Variants in INPP5B observed in about 807,000 individuals in gnomAD.
INPP5B encodes inositol polyphosphate-5-phosphatase B.
Under a neutral mutation model 118.5 loss-of-function variants are expected in INPP5B, and 90 were observed. That is an observed-to-expected ratio of 0.76 (90% CI 0.64 to 0.90). The LOEUF (loss-of-function observed/expected upper bound fraction) is 0.90, where lower values mean the gene tolerates loss of function less well. INPP5B is among the 40% of genes least tolerant of loss of function. The pLI is 0.00. For missense variants in INPP5B, 984 were observed against 1,125.6 expected, an observed-to-expected ratio of 0.87 and a Z score of 1.80; for synonymous variants, 385 against 418.9, an observed-to-expected ratio of 0.92 and a Z score of 0.99.
At chr1:37,896,209 C>A (rs1317157626) in intron 7 of INPP5B, among the ~76,000 whole-genome samples, 5 of 151,244 alleles carry the variant, frequency 3.3e-5, no homozygotes, top group Admixed American at 6.6e-5. Context: ...GCCGCCCCGT[C>A]TGAGAAGTGA....
intron 8 of INPP5B, among the ~76,000 whole-genome samples, chr1:37,890,039 C>T (rs1036052618): frequency 1.3e-5 from 2 of 152,294 alleles, no homozygotes; most frequent in Non-Finnish European, 2.9e-5. Context: ...GTGTCATTAA[C>T]GCCTCACCCA....
At chr1:37,909,910 C>T (rs192612774) in intron 7 of INPP5B, among the ~76,000 whole-genome samples, 41 of 152,310 alleles carry the variant, frequency 2.7e-4, no homozygotes, top group Admixed American at 9.2e-4. Flanking sequence ...GGACCGCCTC[C>T]CCAGGATCTT....
chr1:37,931,852 C>T lies in INPP5B; in HGVS notation c.532+61G>A, dbSNP rs61751228. ...CGCTCCGCCCCAAAACAGAACGGAG[C>T]CCGCCCCCTGTGGCCGGGCCTCCTC... On this transcript the variant is annotated intron_variant, in intron 7 of 23. Transcript: ENST00000373024. 3.5e-3 allele frequency: 5,721 copies of T among 1,612,362 alleles called. 165 individuals are homozygous for T. In the African/African-American group the frequency reaches 0.067, roughly 19 times the overall value.
intron 1 of INPP5B, 115 bp from the exon 2 acceptor site, chr1:37,946,449 AC>A (rs1646115670): frequency 1.4e-6 from 1 of 703,962 alleles, no homozygotes; most frequent in Non-Finnish European, 2.4e-6. Context: ...GGGAGATGGT[AC>A]CGGGGAGGCC....
chr1:37,932,793 C>T (rs1645539766), intron 6 of INPP5B, among the ~76,000 whole-genome samples: 1 of 152,132 alleles, frequency 6.6e-6, no homozygotes, highest in Non-Finnish European at 1.5e-5. Flanking sequence ...CACCCATAAC[C>T]TCCAGCAGCA....
Position 37,864,418 on chromosome 1 carries a change from AAT to A in INPP5B, c.2518_2519del (p.Ile840PhefsTer32), listed in dbSNP as rs1311690997. On this transcript the variant is annotated frameshift_variant, in exon 23 of 24. Transcript: ENST00000373024. LOFTEE classifies it high-confidence loss of function. Reference sequence around the variant, plus strand: ...TTTTGTGGAATATGGGGAGAGTAGAAATGACCTGAAAGAGGAAGAACCGGGAT... The same window carrying A: ...TTTTGTGGAATATGGGGAGAGTAGAAGACCTGAAAGAGGAAGAACCGGGAT... ...SGNYTASKQV[I>X]STLPIFHKNV... 2.2e-5 allele frequency: 35 copies of A among 1,586,780 alleles called. No homozygotes were observed. The highest frequency in any genetic ancestry group is 2.9e-5 in the Non-Finnish European group (33 of 1,155,694).
At chr1:37,935,061 C>T (rs1428009943) in intron 6 of INPP5B, among the ~76,000 whole-genome samples, 2 of 150,236 alleles carry the variant, frequency 1.3e-5, no homozygotes, top group Non-Finnish European at 3.0e-5. Context: ...ATTAGCCGGG[C>T]GTGCTGGCGG....
At chr1:37,885,565 T>C in intron 13 of INPP5B, 73 bp downstream of exon 13, 1 of 1,338,048 alleles carries the variant, frequency 7.5e-7, no homozygotes, top group Non-Finnish European at 1.0e-6. Context: ...ACCAGGCATC[T>C]CCCCATGAAA....
chr1:37,878,262 G>A lies in INPP5B; in HGVS notation c.1603C>T (p.Gln535Ter). 1 of 1,614,164 alleles carries A rather than the reference G, an allele frequency of 6.2e-7. No individual in the cohort carries two copies. The highest frequency in any genetic ancestry group is 8.5e-7 in the Non-Finnish European group (1 of 1,180,026). ...GCCATGTGGCTCTGGTAACTCAGCT[G>A]AGTGATGTTCTTCCCTTTCCAGAGA... ...RILWKGKNITQLSYQSHMALK... is the reference protein window; with the variant it reads ...RILWKGKNIT The change falls in exon 16 of 24, where the codon CAG becomes TAG. Residue 535 changes from glutamine to a stop codon, truncating the protein, a stop_gained. Coordinates refer to ENST00000373024, the MANE Select transcript of INPP5B (RefSeq NM_005540.3). LOFTEE classifies it high-confidence loss of function.
At chr1:37,882,071 C>T (rs997037970) in intron 14 of INPP5B, among the ~76,000 whole-genome samples, 1 of 151,308 alleles carries the variant, frequency 6.6e-6, no homozygotes, top group South Asian at 2.1e-4. Context: ...TGCACTCCAG[C>T]CTGGGTGCCA....
intron 6 of INPP5B, among the ~76,000 whole-genome samples, chr1:37,932,834 C>T (rs955112949): frequency 9.2e-5 from 14 of 152,092 alleles, no homozygotes; most frequent in African/African-American, 2.7e-4. Flanking sequence ...AAACACACGC[C>T]GTAAGTAAGC....
At chr1:37,940,038 C>T (rs1049680822) in intron 6 of INPP5B, among the ~76,000 whole-genome samples, 2 of 152,178 alleles carry the variant, frequency 1.3e-5, no homozygotes, top group East Asian at 1.9e-4. Context: ...GAAGACCAGC[C>T]CTCTCCCATT....
Position 37,943,884 on chromosome 1 carries a change from G to C in INPP5B, c.162C>G (p.Leu54=). 1 of 1,613,496 alleles carries C rather than the reference G, an allele frequency of 6.2e-7. No individual in the cohort carries two copies. Residue 54 remains leucine, a synonymous_variant, in exon 4 of 24, where the codon CTC becomes CTG. Coordinates refer to ENST00000373024, the MANE Select transcript of INPP5B (RefSeq NM_005540.3). The stretch of plus-strand genomic sequence containing the variant: ...TAATGGCCATCCTCCGGTGCGTATA[G>C]AGGAAGAGACTAAGGGCAGGAAGCA... ...EHGGQEHALF[L]YTHRRMAITG...
In INPP5B at chr1:37,945,816, C is replaced by G. The variant is rs772675893; in HGVS notation, c.92G>C (p.Arg31Pro). Residue 31 changes from arginine (R) to proline (P), a missense_variant, in exon 3 of 24, where the codon CGG (arginine) becomes CCG (proline). By Grantham distance (103) the Arg-to-Pro change is moderately radical (BLOSUM62 -2). Coordinates refer to ENST00000373024, the MANE Select transcript of INPP5B (RefSeq NM_005540.3). Reference sequence around the variant, plus strand: ...CACGAGTCCCAGGAGGCGGCTCTGCCGGCTGTCCCCCTCACACAGCACACC... The same window carrying G: ...CACGAGTCCCAGGAGGCGGCTCTGCGGGCTGTCCCCCTCACACAGCACACC... ...VQGVLCEGDS[R>P]QSRLLGLVRY... is the part of the protein sequence containing the mutation. 3 of 1,614,028 alleles carry G rather than the reference C, an allele frequency of 1.9e-6. No homozygotes were observed. The South Asian group carries it at 3.3e-5, about 18-fold the overall frequency.
intron 7 of INPP5B, among the ~76,000 whole-genome samples, chr1:37,917,310 A>T (rs1315008938): frequency 1.2e-3 from 8 of 6,776 alleles, no homozygotes; most frequent in Non-Finnish European, 1.4e-3. Flanking sequence ...AAAAATAATT[A>T]TATATATATA....
At chr1:37,871,596 CCT>C (rs748951478) in intron 19 of INPP5B, among the ~76,000 whole-genome samples, 1 of 151,986 alleles carries the variant, frequency 6.6e-6, no homozygotes, top group Admixed American at 6.6e-5. Flanking sequence ...GGTGAAACTC[CCT>C]CTCTATTAAA....
rs1009151342 is a variant in INPP5B at position 37,888,352 on chromosome 1, C to T, written c.798-8G>A. ...TATGTTCCCGCAAAAAACCTGTCAC[C>T]AAAGAGAAATAATTAGTGACTCCGA... On this transcript the variant is annotated splice_region_variant and splice_polypyrimidine_tract_variant and intron_variant, in intron 9 of 23. Transcript: ENST00000373024. 2 of 1,504,310 alleles carry T rather than the reference C, an allele frequency of 1.3e-6. No homozygotes were observed. The highest frequency in any genetic ancestry group is 1.8e-6 in the Non-Finnish European group (2 of 1,118,994). 93.2% of individuals were successfully genotyped at this position (1,504,310 alleles called of 1,614,324 possible).
At chr1:37,872,305 G>A (rs1025348118) in intron 19 of INPP5B, among the ~76,000 whole-genome samples, 11 of 149,204 alleles carry the variant, frequency 7.4e-5, no homozygotes, top group African/African-American at 2.7e-4. Context: ...GGGAGGCAGA[G>A]GTTACGGTGA....
intron 7 of INPP5B, among the ~76,000 whole-genome samples, chr1:37,898,417 T>C (rs9728268): frequency 0.6 from 91,702 of 152,116 alleles, 29,548 homozygotes; most frequent in Non-Finnish European, 0.73. Flanking sequence ...GAAACTGGGC[T>C]GGGCACGGTG....
Sources: allele counts gnomAD v4.1 joint callset (sites outside exome capture counted in the v4.1 genomes callset), GRCh38; gene constraint gnomAD v4.1.1; transcripts MANE v1.5; gene names NCBI Gene and HGNC (gene_info 2026-07-23, HGNC 2026-07-21).